RANBP2: variants seen among roughly 807,000 people sequenced by gnomAD.
RANBP2 encodes the protein RAN binding protein 2.
In RANBP2, 57 loss-of-function variants were observed where a neutral mutation model predicts 303.6. The observed-to-expected ratio is 0.19, with a 90% confidence interval of 0.15 to 0.23. The LOEUF is 0.23. Ranked by LOEUF, RANBP2 falls within the 10% of genes least tolerant of loss-of-function variation. RANBP2 has a pLI of 1.00. For missense variants in RANBP2, 3,138 were observed against 3,780.8 expected (o/e 0.83, Z 4.46); for synonymous variants, 1,167 against 1,301.5 (o/e 0.90, Z 2.23).
At chr2:109,363,984 T>C in the RANBP2 span, among the ~76,000 whole-genome samples, 1 of 152,212 alleles carries the variant, frequency 6.6e-6, no homozygotes, top group African/African-American at 2.4e-5. Flanking sequence ...GCTTCCTGGA[T>C]CTGTGGTTTG....
At chr2:109,227,082 C>T in the RANBP2 span, among the ~76,000 whole-genome samples, 1 of 152,108 alleles carries the variant, frequency 6.6e-6, no homozygotes. Flanking sequence ...GGGTCTTTGT[C>T]ATGTTTCTGG....
At chr2:108,846,903 T>C in the RANBP2 span, 1 of 1,609,636 alleles carries the variant, frequency 6.2e-7, no homozygotes, top group Non-Finnish European at 8.5e-7. Flanking sequence ...TTTATCAACC[T>C]TAATTGTTCT....
At chr2:109,349,401 C>T in the RANBP2 span, among the ~76,000 whole-genome samples, 1 of 152,130 alleles carries the variant, frequency 6.6e-6, no homozygotes, top group Non-Finnish European at 1.5e-5. Context: ...TGCACTGGTG[C>T]CTCCCTCCCT....
chr2:109,543,678 C>T, the RANBP2 span: 8 of 152,664 alleles, frequency 5.2e-5, no homozygotes, highest in Non-Finnish European at 1.0e-4. Flanking sequence ...GCACTGACTT[C>T]GCTCTTTGGT....
the RANBP2 span, among the ~76,000 whole-genome samples, chr2:109,233,035 G>A: frequency 2.0e-5 from 3 of 152,114 alleles, no homozygotes; most frequent in Non-Finnish European, 2.9e-5. Flanking sequence ...TGGGAAGCAC[G>A]CAGATGAGTG....
the RANBP2 span, among the ~76,000 whole-genome samples, chr2:109,425,537 T>C: frequency 1.2e-4 from 18 of 152,206 alleles, no homozygotes; most frequent in African/African-American, 4.3e-4. Context: ...GTGAAGCCAG[T>C]GTTCATTTGC....
the RANBP2 span, among the ~76,000 whole-genome samples, chr2:108,938,637 G>A: frequency 6.6e-6 from 1 of 151,996 alleles, no homozygotes; most frequent in African/African-American, 2.4e-5. Context: ...TTGTCGAACT[G>A]ACAAGCTTGG....
the RANBP2 span, among the ~76,000 whole-genome samples, chr2:108,956,951 G>A: frequency 6.6e-6 from 1 of 152,056 alleles, no homozygotes; most frequent in Non-Finnish European, 1.5e-5. Flanking sequence ...ACCACGCCCC[G>A]CTAATTTTTT....
the RANBP2 span, among the ~76,000 whole-genome samples, chr2:109,489,788 A>G: frequency 6.6e-6 from 1 of 151,906 alleles, no homozygotes. Flanking sequence ...CCCAGGCTGG[A>G]GTGCAGTGGC....
chr2:109,614,839 G>C, the RANBP2 span: 1 of 1,415,066 alleles, frequency 7.1e-7, no homozygotes, highest in Non-Finnish European at 9.1e-7. Flanking sequence ...GCGCGCGATC[G>C]GCTCCCCGAC....
At chr2:109,721,109 G>T in the RANBP2 span, among the ~76,000 whole-genome samples, 2 of 152,188 alleles carry the variant, frequency 1.3e-5, no homozygotes, top group Admixed American at 6.6e-5. Flanking sequence ...TTCTGGAACT[G>T]CCAGAAATAT....
At chr2:108,959,642 G>A in the RANBP2 span, among the ~76,000 whole-genome samples, 1 of 152,152 alleles carries the variant, frequency 6.6e-6, no homozygotes, top group Non-Finnish European at 1.5e-5. Flanking sequence ...GCCGGCTGTG[G>A]CATGCGCCCT....
chr2:109,162,919 C>T, the RANBP2 span, among the ~76,000 whole-genome samples: 2 of 152,140 alleles, frequency 1.3e-5, no homozygotes, highest in Non-Finnish European at 2.9e-5. Context: ...GTGGTAAGAG[C>T]CTCTTGGCTG....
chr2:109,359,749 A>G, the RANBP2 span, among the ~76,000 whole-genome samples: 23 of 152,180 alleles, frequency 1.5e-4, no homozygotes, highest in Admixed American at 2.6e-4. Context: ...ATGAAGGCAC[A>G]CAACACACAG....
At chr2:109,288,165 A>G in the RANBP2 span, among the ~76,000 whole-genome samples, 1 of 152,252 alleles carries the variant, frequency 6.6e-6, no homozygotes, top group African/African-American at 2.4e-5. Flanking sequence ...AGAAGAACTC[A>G]AACTTAGATG....
the RANBP2 span, among the ~76,000 whole-genome samples, chr2:109,427,834 T>G: frequency 6.6e-6 from 1 of 152,244 alleles, no homozygotes; most frequent in South Asian, 2.1e-4. Flanking sequence ...CAGACCATGA[T>G]GTCAGCCCTC....
chr2:109,665,629 C>G, the RANBP2 span: 2 of 153,200 alleles, frequency 1.3e-5, no homozygotes, highest in African/African-American at 2.4e-5. Flanking sequence ...GCATGAGCCA[C>G]CGCAACTGGC....
chr2:108,737,465 A>C (rs1310722614), intron 6 of RANBP2, among the ~76,000 whole-genome samples: 3 of 148,866 alleles, frequency 2.0e-5, no homozygotes, highest in Admixed American at 2.0e-4. Context: ...CAGCCTCCCG[A>C]GTAGCTGGGA....
At chr2:109,617,635 T>G in the RANBP2 span, 1 of 167,150 alleles carries the variant, frequency 6.0e-6, no homozygotes, top group Middle Eastern at 3.4e-3. Context: ...AACCCATGTG[T>G]GAACTGCACA....
Sources: gnomAD v4.1 joint callset for allele counts (sites outside exome capture counted in the v4.1 genomes callset) on GRCh38, gnomAD v4.1.1 for gene constraint, MANE v1.5 for transcripts, NCBI Gene and HGNC (gene_info 2026-07-23, HGNC 2026-07-21) for gene names.